The following MCC variants were observed in gnomAD, a reference collection of about 807,000 sequenced individuals.
The protein encoded by MCC is MCC regulator of Wnt signaling pathway, also known as colorectal mutant cancer protein.
MCC carries 90 observed loss-of-function variants against 116.2 expected under a neutral mutation model. The ratio of observed to expected loss-of-function variants is 0.77; its 90% CI spans 0.65 to 0.92. The LOEUF is 0.92. Ranked by LOEUF, MCC falls within the 40% of genes least tolerant of loss-of-function variation. The pLI is 0.00. For missense variants in MCC, 1,516 were observed against 1,312.2 expected (o/e 1.16, Z -2.40); for synonymous variants, 578 against 510.5 (o/e 1.13, Z -1.78).
In MCC at chr5:113,075,793, T is replaced by C. The variant is rs187005534; in HGVS notation, c.1785-4559A>G. Among the ~76,000 whole-genome samples, 1,079 of 152,282 alleles carry C rather than the reference T, an allele frequency of 7.1e-3. 14 individuals are homozygous for C. The highest frequency in any genetic ancestry group is 0.024 in the African/African-American group (1,017 of 41,564). On this transcript the variant is annotated intron_variant, in intron 11 of 18. Coordinates refer to ENST00000408903, the MANE Select transcript of MCC (RefSeq NM_001085377.2). ...AGCTTTGTTCTCTTGCTCTTCACAA[T>C]AAATCTTGCTGCTGCTCACTCTTTG...
intron 3 of MCC, among the ~76,000 whole-genome samples, chr5:113,327,586 A>ATATATATAT (rs1561525256): frequency 2.7e-5 from 3 of 113,056 alleles, no homozygotes; most frequent in Non-Finnish European, 3.5e-5. Flanking sequence ...ATATATATAT[A>ATATATATAT]AAAATCTCAT....
chr5:113,130,012 T>G lies in MCC; in HGVS notation c.885-7186A>C, dbSNP rs541320141. Among the ~76,000 whole-genome samples, 706 of 152,314 alleles carry G rather than the reference T, an allele frequency of 4.6e-3. 7 individuals are homozygous for G. The highest frequency in any genetic ancestry group is 0.016 in the African/African-American group (676 of 41,566). ...ATATACCCAAAGGATTATAAATCAT[T>G]CTGCTATAAAGACACATGCACATGT... On this transcript the variant is annotated intron_variant, in intron 5 of 18. Transcript: ENST00000408903.
intron 3 of MCC, among the ~76,000 whole-genome samples, chr5:113,178,127 G>C (rs1761432361): frequency 6.6e-6 from 1 of 152,158 alleles, no homozygotes; most frequent in Non-Finnish European, 1.5e-5. Flanking sequence ...GCAGCGGAAG[G>C]GAAGAGAAGC....
intron 3 of MCC, among the ~76,000 whole-genome samples, chr5:113,159,098 G>T (rs2416308): frequency 0.99 from 150,862 of 152,264 alleles, 74,746 homozygotes; most frequent in Middle Eastern, 1. Context: ...GTGATGAAGC[G>T]TGGGGCTCAG....
At chr5:113,398,172 C>T (rs766475861) in intron 1 of MCC, among the ~76,000 whole-genome samples, 6 of 151,996 alleles carry the variant, frequency 3.9e-5, no homozygotes, top group Admixed American at 6.6e-5. Flanking sequence ...ATTGTTAAAA[C>T]GTCAAAAAAT....
At chr5:113,034,806 T>C (rs1751220309) in intron 17 of MCC, among the ~76,000 whole-genome samples, 1 of 152,240 alleles carries the variant, frequency 6.6e-6, no homozygotes, top group Non-Finnish European at 1.5e-5. Flanking sequence ...TGTCCTTTTC[T>C]TACCTGCCCG....
intron 1 of MCC, among the ~76,000 whole-genome samples, chr5:113,470,999 C>T (rs1357578720): frequency 2.0e-5 from 3 of 152,222 alleles, no homozygotes; most frequent in Admixed American, 6.5e-5. Context: ...GCCTTCGTCA[C>T]GTAGCTCTCG....
intron 1 of MCC, among the ~76,000 whole-genome samples, chr5:113,419,588 G>C (rs887039445): frequency 6.6e-6 from 1 of 151,968 alleles, no homozygotes; most frequent in African/African-American, 2.4e-5. Flanking sequence ...TTTAAAAATG[G>C]TGAAATACAA....
chr5:113,289,354 A>G (rs910407181), intron 3 of MCC, among the ~76,000 whole-genome samples: 8 of 151,800 alleles, frequency 5.3e-5, no homozygotes, highest in Non-Finnish European at 8.8e-5. Flanking sequence ...AATGAAAAGA[A>G]AAAAGAAAGA....
chr5:113,480,284 T>A (rs940154204), intron 1 of MCC, among the ~76,000 whole-genome samples: 2 of 152,248 alleles, frequency 1.3e-5, no homozygotes, highest in Non-Finnish European at 2.9e-5. Context: ...TTTTAGGTCA[T>A]ACATTTCACT....
At chr5:113,186,219 G>A (rs1449833240) in intron 3 of MCC, among the ~76,000 whole-genome samples, 1 of 152,172 alleles carries the variant, frequency 6.6e-6, no homozygotes, top group Non-Finnish European at 1.5e-5. Context: ...TTTCAGCCCT[G>A]CTTCTCACAC....
At chr5:113,269,248 C>A (rs1013881329) in intron 3 of MCC, 26 of 984,002 alleles carry the variant, frequency 2.6e-5, no homozygotes, top group Non-Finnish European at 2.9e-5. Context: ...GGGGACTGGG[C>A]CTTTTGACTT....
intron 2 of MCC, among the ~76,000 whole-genome samples, chr5:113,353,824 A>C (rs1462679331): frequency 5.3e-5 from 8 of 152,252 alleles, no homozygotes; most frequent in Non-Finnish European, 1.2e-4. Flanking sequence ...AGCCACATGC[A>C]CAGGACTGTT....
chr5:113,062,503 T>G (rs1242792997), intron 14 of MCC, among the ~76,000 whole-genome samples: 1 of 152,160 alleles, frequency 6.6e-6, no homozygotes, highest in African/African-American at 2.4e-5. Context: ...AGCACACATT[T>G]CCTGTCAAGC....
At chr5:113,139,746 A>C (rs138517538) in intron 5 of MCC, among the ~76,000 whole-genome samples, 5,990 of 152,254 alleles carry the variant, frequency 0.039, 215 homozygotes, top group African/African-American at 0.094. Flanking sequence ...TAGCAATCCC[A>C]TTACTGGGTA....
chr5:113,175,718 C>G (rs1209254460), intron 3 of MCC, among the ~76,000 whole-genome samples: 2 of 152,124 alleles, frequency 1.3e-5, no homozygotes, highest in East Asian at 1.9e-4. Context: ...TAAATAGCAA[C>G]CACATAATAT....
chr5:113,456,051 T>C (rs1169456783), intron 1 of MCC, among the ~76,000 whole-genome samples: 1 of 152,232 alleles, frequency 6.6e-6, no homozygotes, highest in Non-Finnish European at 1.5e-5. Context: ...ACACAATATA[T>C]GTGACACATA....
At chr5:113,120,175 GT>G (rs567605235) in intron 6 of MCC, among the ~76,000 whole-genome samples, 293 of 152,296 alleles carry the variant, frequency 1.9e-3, no homozygotes, top group Non-Finnish European at 3.0e-3. Context: ...AGAAGACAGA[GT>G]CCTGAAGCTT....
At chr5:113,294,693 C>T in intron 3 of MCC, 4 of 1,030,450 alleles carry the variant, frequency 3.9e-6, no homozygotes, top group Non-Finnish European at 4.6e-6. Flanking sequence ...CGTTCCGGGG[C>T]AGTGCCACCC....
Sources: gnomAD v4.1 joint callset for allele counts (sites outside exome capture counted in the v4.1 genomes callset) on GRCh38, gnomAD v4.1.1 for gene constraint, MANE v1.5 for transcripts, NCBI Gene and HGNC (gene_info 2026-07-23, HGNC 2026-07-21) for gene names.